CNGB3: variants seen among roughly 807,000 people sequenced by gnomAD.
CNGB3 encodes cyclic nucleotide-gated channel beta-3.
Under a neutral mutation model 92.8 loss-of-function variants are expected in CNGB3, and 86 were observed. The ratio of observed to expected loss-of-function variants is 0.93; its 90% CI spans 0.78 to 1.11. CNGB3 has a LOEUF of 1.11. Ranked by LOEUF, CNGB3 falls within the 50% of genes least tolerant of loss-of-function variation. The pLI, the probability that CNGB3 is intolerant of heterozygous loss-of-function variation, is 0.00. For missense variants in CNGB3, 1,026 were observed against 956.8 expected, an observed-to-expected ratio of 1.07 and a Z score of -0.95; for synonymous variants, 333 against 332.7, an observed-to-expected ratio of 1.00 and a Z score of -0.01.
At chr8:86,717,130 A>G (rs890999843) in intron 3 of CNGB3, among the ~76,000 whole-genome samples, 4 of 152,242 alleles carry the variant, frequency 2.6e-5, no homozygotes, top group Non-Finnish European at 5.9e-5. Context: ...GAGGAACATT[A>G]TATAATGGTA....
At chr8:86,738,566 G>C (rs1272839631) in intron 2 of CNGB3, among the ~76,000 whole-genome samples, 5 of 152,180 alleles carry the variant, frequency 3.3e-5, no homozygotes, top group Non-Finnish European at 4.4e-5. Context: ...TGGGCCGGGC[G>C]CGGTGGCTCA....
intron 9 of CNGB3, 131 bp from the exon 10 acceptor site, chr8:86,644,004 G>C: frequency 1.2e-6 from 1 of 866,650 alleles, no homozygotes; most frequent in Non-Finnish European, 1.8e-6. Flanking sequence ...ACTCTCATTA[G>C]TACAGTACAA....
rs576104659 is a variant in CNGB3, at chr8:86,619,312, A to G, written c.1578+6671T>C. ...TTAAAAATCGAGATCGAAATAATAA[A>G]TCATCAGAAATGAGGGGAAATTGCC... On this transcript the variant is annotated intron_variant, in intron 13 of 17. Transcript: ENST00000320005. 1.4e-4 allele frequency among the ~76,000 whole-genome samples: 22 copies of G among 152,316 alleles called. No homozygotes were observed. In the South Asian group the frequency reaches 4.4e-3, roughly 30 times the overall value.
intron 1 of CNGB3, among the ~76,000 whole-genome samples, chr8:86,742,064 T>C (rs1201106864): frequency 6.6e-6 from 1 of 152,198 alleles, no homozygotes; most frequent in Non-Finnish European, 1.5e-5. Flanking sequence ...GTTGTGAGGA[T>C]TAAATACAGT....
intron 11 of CNGB3, among the ~76,000 whole-genome samples, chr8:86,631,139 A>T (rs1170398191): frequency 6.6e-6 from 1 of 152,156 alleles, no homozygotes; most frequent in East Asian, 1.9e-4. Context: ...TTAAAAGCAG[A>T]TGTGGTGTGG....
chr8:86,675,851 C>A (rs1823956708), intron 3 of CNGB3, among the ~76,000 whole-genome samples: 1 of 152,126 alleles, frequency 6.6e-6, no homozygotes, highest in Admixed American at 6.6e-5. Context: ...TTCCTTATTT[C>A]TTTAAATTCA....
chr8:86,623,130 AC>A (rs1356076701), intron 13 of CNGB3, among the ~76,000 whole-genome samples: 8 of 152,110 alleles, frequency 5.3e-5, no homozygotes, highest in African/African-American at 1.9e-4. Flanking sequence ...TTCCATACTT[AC>A]ATCTTAAGTG....
At chr8:86,721,048 C>T (rs1428317112) in intron 3 of CNGB3, among the ~76,000 whole-genome samples, 1 of 151,908 alleles carries the variant, frequency 6.6e-6, no homozygotes. Flanking sequence ...CTCACTGCAA[C>T]CTCTGTCTCC....
chr8:86,712,229 G>A (rs76873375), intron 3 of CNGB3, among the ~76,000 whole-genome samples: 2,782 of 152,066 alleles, frequency 0.018, 42 homozygotes, highest in Non-Finnish European at 0.028. Flanking sequence ...TTTCATATCT[G>A]GATACTTTGC....
intron 3 of CNGB3, among the ~76,000 whole-genome samples, chr8:86,698,998 A>T (rs1006176749): frequency 6.6e-6 from 1 of 152,142 alleles, no homozygotes; most frequent in Non-Finnish European, 1.5e-5. Flanking sequence ...TCTATTTGGG[A>T]GTATATGGTA....
chr8:86,692,061 C>T (rs1009474759), intron 3 of CNGB3, among the ~76,000 whole-genome samples: 12 of 152,106 alleles, frequency 7.9e-5, no homozygotes, highest in African/African-American at 2.7e-4. Flanking sequence ...AATTGATTTT[C>T]AATTTTATTC....
chr8:86,592,513 C>T (rs1822069362), intron 15 of CNGB3, among the ~76,000 whole-genome samples: 1 of 152,172 alleles, frequency 6.6e-6, no homozygotes, highest in African/African-American at 2.4e-5. Context: ...AATGAAGTCT[C>T]AGTTGAGTAA....
In CNGB3 at chr8:86,657,452, A is replaced by G. The variant is rs931089353; in HGVS notation, c.853-3390T>C. 7.7e-6 allele frequency: 4 copies of G among 516,156 alleles called. No individual in the cohort carries two copies. In the African/African-American group the frequency reaches 7.9e-5, roughly 10 times the overall value. The allele number at this position is 516,156 out of a possible 1,614,324, so 32.0% of individuals were successfully genotyped here. On this transcript the variant is annotated intron_variant, in intron 6 of 17. Coordinates refer to ENST00000320005, the MANE Select transcript of CNGB3 (RefSeq NM_019098.5). ...AAATGGAATGCAGGGGTTGCTGCCC[A>G]AGCCTGGGTGCTCCTGGGGGTTCTG...
chr8:86,578,802 G>A lies in CNGB3; in HGVS notation c.1990C>T (p.Leu664Phe), dbSNP rs773675958. The A allele has an allele frequency of 5.0e-6, 8 of 1,614,006 alleles. No individual in the cohort carries two copies. The South Asian group carries it at 6.6e-5, about 13-fold the overall frequency. Reference sequence around the variant, plus strand: ...GTCTCTTCTTTCGGTGGGAAGAGGAGGGCAAGATCTTTTCTTGGAGGGGTT... The same window carrying A: ...GTCTCTTCTTTCGGTGGGAAGAGGAAGGCAAGATCTTTTCTTGGAGGGGTT... ...EATPPRKDLA[L>F]LFPPKEETPK... is the part of the protein sequence containing the mutation. Residue 664 changes from leucine (L) to phenylalanine (F), a missense_variant, in exon 17 of 18, where the codon CTC (leucine) becomes TTC (phenylalanine). Leu to Phe is a conservative substitution (Grantham distance 22). Transcript: ENST00000320005.
intron 15 of CNGB3, among the ~76,000 whole-genome samples, chr8:86,589,355 T>C (rs1403045708): frequency 6.7e-6 from 1 of 148,744 alleles, no homozygotes; most frequent in Admixed American, 6.7e-5. Context: ...CTGCTCTGAT[T>C]TTAGTTATTT....
chr8:86,664,209 A>G (rs1402783615), intron 6 of CNGB3, among the ~76,000 whole-genome samples: 1 of 152,250 alleles, frequency 6.6e-6, no homozygotes, highest in African/African-American at 2.4e-5. Flanking sequence ...TTTCTAGGAA[A>G]GATTTCAAAT....
Position 86,575,075 on chromosome 8 carries a change from CTT to C in CNGB3, c.*727_*728del, listed in dbSNP as rs1425309250. On this transcript the variant is annotated 3_prime_UTR_variant, in exon 18 of 18. Coordinates refer to ENST00000320005, the MANE Select transcript of CNGB3 (RefSeq NM_019098.5). The stretch of plus-strand genomic sequence containing the variant: ...CCAGATGAGTTAGGTAGATTGGTGT[CTT>C]TTAAGTTGGTTAGAAGAGAAAATAT... 1 of 152,132 alleles carries C rather than the reference CTT, an allele frequency of 6.6e-6. No individual in the cohort carries two copies. The highest frequency in any genetic ancestry group is 2.4e-5 in the African/African-American group (1 of 41,408). 9.4% of individuals were successfully genotyped at this position (152,132 alleles called of 1,614,324 possible).
intron 5 of CNGB3, among the ~76,000 whole-genome samples, chr8:86,667,524 C>G (rs1222407665): frequency 6.6e-6 from 1 of 152,204 alleles, no homozygotes; most frequent in African/African-American, 2.4e-5. Flanking sequence ...ATTGATTGCC[C>G]AGGGCAGGTG....
intron 3 of CNGB3, among the ~76,000 whole-genome samples, chr8:86,699,132 A>G (rs936725933): frequency 7.9e-5 from 12 of 152,190 alleles, no homozygotes; most frequent in Non-Finnish European, 1.5e-4. Context: ...AGGATAGTAA[A>G]GTTACGCCCA....
Sources: gnomAD v4.1 joint callset for allele counts (sites outside exome capture counted in the v4.1 genomes callset) on GRCh38, gnomAD v4.1.1 for gene constraint, MANE v1.5 for transcripts, NCBI Gene and HGNC (gene_info 2026-07-23, HGNC 2026-07-21) for gene names.